DACT1: variants seen among roughly 807,000 people sequenced by gnomAD.
DACT1 encodes the protein dishevelled binding antagonist of beta catenin 1, also known as dapper homolog 1.
A neutral mutation model predicts 35.3 loss-of-function variants in DACT1; 19 were observed. The observed-to-expected ratio is 0.54, with a 90% confidence interval of 0.38 to 0.79. The LOEUF (loss-of-function observed/expected upper bound fraction) is 0.79, where lower values mean the gene tolerates loss of function less well. Among genes scored for constraint, DACT1 ranks in the 30% least tolerant of loss-of-function variants. The pLI is 0.00. For synonymous variants in DACT1, 545 were observed against 466.7 expected, an observed-to-expected ratio of 1.17 and a Z score of -2.16; for missense variants, 1,143 against 1,057.5, an observed-to-expected ratio of 1.08 and a Z score of -1.12.
Position 58,647,035 on chromosome 14 carries a change from C to A in DACT1, c.2301C>A (p.His767Gln), listed in dbSNP as rs755312596. The change falls in exon 4 of 4, where the codon CAC (histidine) becomes CAA (glutamine). Residue 767 changes from histidine (H) to glutamine (Q), a missense_variant. Physicochemically the swap from His to Gln is conservative, Grantham distance 24. This residue lies in a region of DACT1 where 1,054 missense variants were observed against 958.8 expected (regional missense o/e 1.10). Coordinates refer to ENST00000395153, the MANE Select transcript of DACT1 (RefSeq NM_001079520.2). ...QTVTAPDLHN[H>Q]PAKTFVKIKA... ...TAACGGCCCCAGACCTTCACAACCA[C>A]CCCGCAAAAACCTTTGTCAAAATTA... 1 of 1,614,182 alleles carries A rather than the reference C, an allele frequency of 6.2e-7. No individual in the cohort carries two copies. Among genetic ancestry groups the A allele is most frequent in the Admixed American group, 1.7e-5 (1 of 60,032 alleles).
Position 58,646,935 on chromosome 14 carries a change from C to T in DACT1, c.2201C>T (p.Thr734Ile). The T allele has an allele frequency of 1.2e-6, 2 of 1,612,192 alleles. No individual in the cohort carries two copies. Among genetic ancestry groups the T allele is most frequent in the Middle Eastern group, 1.7e-4 (1 of 6,056 alleles). The change falls in exon 4 of 4, where the codon ACA (threonine) becomes ATA (isoleucine). Residue 734 changes from threonine to isoleucine, a missense_variant. Physicochemically the swap from Thr to Ile is moderately conservative, Grantham distance 89. Around this residue, in one of 3 missense-constraint regions of DACT1, gnomAD observed 1,054 missense variants for 958.8 expected, o/e 1.10. Coordinates refer to ENST00000395153, the MANE Select transcript of DACT1 (RefSeq NM_001079520.2). ...VSEGEFVGES[T>I]TTSDSEESGG... is the part of the protein sequence containing the mutation. ...GAGGGCGAGTTCGTGGGGGAGAGCACAACCACCAGCGACTCTGAAGAAAGC... is the reference window on the plus strand; with the variant it reads ...GAGGGCGAGTTCGTGGGGGAGAGCATAACCACCAGCGACTCTGAAGAAAGC...
chr14:58,644,453 G>A (rs944041298), intron 3 of DACT1, among the ~76,000 whole-genome samples: 4 of 152,084 alleles, frequency 2.6e-5, no homozygotes, highest in Non-Finnish European at 4.4e-5. Flanking sequence ...GGCTGGTCTC[G>A]AACTCCTGGG....
chr14:58,638,602 G>A (rs574279826), intron 1 of DACT1, 55 bp downstream of exon 1: 6 of 1,294,822 alleles, frequency 4.6e-6, no homozygotes, highest in Non-Finnish European at 5.9e-6. Flanking sequence ...GCTGGAGGTC[G>A]GGCAGGTGGC....
intron 2 of DACT1, 122 bp downstream of exon 2, chr14:58,640,990 CAAA>C (rs902089277): frequency 9.2e-7 from 1 of 1,088,650 alleles, no homozygotes; most frequent in Non-Finnish European, 1.3e-6. Context: ...AGAGGATAAA[CAAA>C]AAAGAAGTCT....
In DACT1 at chr14:58,638,503, G is replaced by T; in HGVS notation, c.301G>T (p.Glu101Ter). Residue 101 changes from glutamate (E) to a stop codon, truncating the protein, a stop_gained, in exon 1 of 4, where the codon GAG becomes TAG. Coordinates refer to ENST00000395153, the MANE Select transcript of DACT1 (RefSeq NM_001079520.2). LOFTEE classifies it high-confidence loss of function. The stretch of plus-strand genomic sequence containing the variant: ...GGCGGCGCAGCGCAGTCGCCTGGAG[G>T]AGAAGTTCTTGGAGGAGAACATCTT... Reference protein sequence around the residue: ...GEAAQRSRLEEKFLEENILLL... With the variant: ...GEAAQRSRLE 1 of 1,359,110 alleles carries T rather than the reference G, an allele frequency of 7.4e-7. No individual in the cohort carries two copies. Among genetic ancestry groups the T allele is most frequent in the South Asian group, 2.3e-5 (1 of 43,468 alleles). 84.2% of individuals were successfully genotyped at this position (1,359,110 alleles called of 1,614,324 possible). A position where few individuals can be genotyped will look rare whatever the true frequency, so the allele number is the denominator to read the frequency against.
Position 58,638,425 on chromosome 14 carries a change from G to T in DACT1, c.223G>T (p.Gly75Cys). The T allele has an allele frequency of 7.6e-7, 1 of 1,318,256 alleles. No individual in the cohort carries two copies. The highest frequency in any genetic ancestry group is 2.4e-5 in the South Asian group (1 of 40,944). 81.7% of individuals were successfully genotyped at this position (1,318,256 alleles called of 1,614,324 possible). The change falls in exon 1 of 4, where the codon GGC becomes TGC. Residue 75 changes from glycine (G) to cysteine (C), a missense_variant. By Grantham distance (159) the Gly-to-Cys change is radical (BLOSUM62 -3). This residue lies in a region of DACT1 where 1,054 missense variants were observed against 958.8 expected (regional missense o/e 1.10). Coordinates refer to ENST00000395153, the MANE Select transcript of DACT1 (RefSeq NM_001079520.2). ...QELLVRGALRGAGGAGAAAPR... is the reference protein window; with the variant it reads ...QELLVRGALRCAGGAGAAAPR... ...GCTGCTGGTCAGGGGCGCCCTGCGC[G>T]GCGCCGGGGGTGCGGGAGCCGCTGC...
At position 58,646,903 on chromosome 14, in the gene DACT1, T is replaced by A. The variant is rs1343913271; in HGVS notation, c.2169T>A (p.Ser723Arg). The change falls in exon 4 of 4, where the codon AGT becomes AGA. Residue 723 changes from serine to arginine, a missense_variant. Physicochemically the swap from Ser to Arg is moderately radical, Grantham distance 110. Transcript: ENST00000395153. ...TTNCFGDSES[S>R]VSEGEFVGES... is the part of the protein sequence containing the mutation. ...ACTGCTTCGGGGACAGCGAGTCGAG[T>A]GTGAGCGAGGGCGAGTTCGTGGGGG... is the stretch of plus-strand genomic sequence containing the variant. 2 of 1,613,800 alleles carry A rather than the reference T, an allele frequency of 1.2e-6. No homozygotes were observed. The highest frequency in any genetic ancestry group is 1.7e-6 in the Non-Finnish European group (2 of 1,179,952).
intron 1 of DACT1, chr14:58,639,029 G>A: frequency 1.0e-6 from 1 of 985,414 alleles, no homozygotes; most frequent in Non-Finnish European, 1.2e-6. Context: ...CGAGTTTTAC[G>A]ATTACACTGG....
chr14:58,639,066 C>T (rs989323963), intron 1 of DACT1: 5 of 985,294 alleles, frequency 5.1e-6, no homozygotes, highest in Admixed American at 6.2e-5. Flanking sequence ...CGTGCCTCTC[C>T]GAGAGCTCTC....
At chr14:58,639,387 A>G in intron 1 of DACT1, 2 of 511,414 alleles carry the variant, frequency 3.9e-6, no homozygotes, top group Non-Finnish European at 5.0e-6. Context: ...CCCGCCTCAG[A>G]ATAATGGCGA....
rs200728268 is a variant in DACT1 at position 58,646,107 on chromosome 14, C to A, written c.1373C>A (p.Ala458Asp). 1.1e-5 allele frequency: 17 copies of A among 1,612,758 alleles called. No individual in the cohort carries two copies. In the Admixed American group the frequency reaches 2.5e-4, roughly 24 times the overall value. ...AAAGAGAGTCCTAGCAGAGGCCCTG[C>A]CCCGCCGCAGGAGAACAAAGTTGTA... ...SPKESPSRGP[A>D]PPQENKVVQP... Residue 458 changes from alanine to aspartate, a missense_variant, in exon 4 of 4, where the codon GCC becomes GAC. Physicochemically the swap from Ala to Asp is moderately radical, Grantham distance 126. Transcript: ENST00000395153.
upstream of DACT1, chr14:58,634,119 C>G (rs1354345542): frequency 6.6e-6 from 1 of 152,250 alleles, no homozygotes; most frequent in East Asian, 1.9e-4. Context: ...TACCACCAAA[C>G]TTCATGGAAT....
chr14:58,643,684 A>G (rs1007240912), intron 3 of DACT1, among the ~76,000 whole-genome samples: 9 of 152,200 alleles, frequency 5.9e-5, no homozygotes, highest in Non-Finnish European at 1.2e-4. Flanking sequence ...ACTTCCTCAC[A>G]TAATTGAGAC....
In DACT1 at chr14:58,639,207, A is replaced by ACG. The variant is rs1219131774; in HGVS notation, c.345+661_345+662dup. 4.1e-6 allele frequency: 4 copies of ACG among 985,308 alleles called. No homozygotes were observed. The Admixed American group carries it at 2.5e-4, about 61-fold the overall frequency. 61.0% of individuals were successfully genotyped at this position (985,308 alleles called of 1,614,324 possible). On this transcript the variant is annotated intron_variant, in intron 1 of 3. Transcript: ENST00000395153. ...TGTGTCCCCTCCTCTCATATTTTAT[A>ACG]CGTTCTGCCAGCTGTGATTGGTGGT...
At chr14:58,641,027 G>C (rs1056636302) in intron 2 of DACT1, among the ~76,000 whole-genome samples, 159 bp downstream of exon 2, 1 of 152,170 alleles carries the variant, frequency 6.6e-6, no homozygotes, top group Admixed American at 6.5e-5. Flanking sequence ...ATCGGAATAA[G>C]AGGGAAATAA....
chr14:58,641,337 G>A (rs1228160135), intron 2 of DACT1, among the ~76,000 whole-genome samples: 1 of 152,068 alleles, frequency 6.6e-6, no homozygotes, highest in Non-Finnish European at 1.5e-5. Context: ...TTCAAAGGCG[G>A]GGTCAAGGAA....
In DACT1 at chr14:58,638,456, G is replaced by C. The variant is rs1398917758; in HGVS notation, c.254G>C (p.Arg85Pro). The C allele has an allele frequency of 7.4e-7, 1 of 1,354,822 alleles. No individual in the cohort carries two copies. The highest frequency in any genetic ancestry group is 1.5e-5 in the African/African-American group (1 of 66,514). The allele number at this position is 1,354,822 out of a possible 1,614,324, so 83.9% of individuals were successfully genotyped here. Residue 85 changes from arginine (R) to proline (P), a missense_variant, in exon 1 of 4, where the codon CGC becomes CCC. By Grantham distance (103) the Arg-to-Pro change is moderately radical. Around this residue, in one of 3 missense-constraint regions of DACT1, gnomAD observed 1,054 missense variants for 958.8 expected, o/e 1.10. Coordinates refer to ENST00000395153, the MANE Select transcript of DACT1 (RefSeq NM_001079520.2). ...GGGGGTGCGGGAGCCGCTGCGCCCC[G>C]CGCTGGGGAGCTACTGGGGGAGGCG... Reference protein sequence around the residue: ...GAGGAGAAAPRAGELLGEAAQ... With the variant: ...GAGGAGAAAPPAGELLGEAAQ...
At position 58,638,154 on chromosome 14, in the gene DACT1, C is replaced by G; in HGVS notation, c.-49C>G. Reference sequence around the variant, plus strand: ...GCAGCCCTAGCGCCCTGCTCCTCCGCCTGGGCGGCCCGGCTGCGGTGACGG... The same window carrying G: ...GCAGCCCTAGCGCCCTGCTCCTCCGGCTGGGCGGCCCGGCTGCGGTGACGG... On this transcript the variant is annotated 5_prime_UTR_variant, in exon 1 of 4. Coordinates refer to ENST00000395153, the MANE Select transcript of DACT1 (RefSeq NM_001079520.2). 2 of 1,261,848 alleles carry G rather than the reference C, an allele frequency of 1.6e-6. No homozygotes were observed. Among genetic ancestry groups the G allele is most frequent in the Non-Finnish European group, 2.0e-6 (2 of 1,003,896 alleles). The allele number at this position is 1,261,848 out of a possible 1,614,324, so 78.2% of individuals were successfully genotyped here.
intron 3 of DACT1, 45 bp from the exon 4 acceptor site, chr14:58,645,324 G>C: frequency 6.2e-7 from 1 of 1,614,166 alleles, no homozygotes; most frequent in Middle Eastern, 1.7e-4. Context: ...GCAGTTTGCC[G>C]TTCCCTCTCC....
Sources: gnomAD v4.1 joint callset for allele counts (sites outside exome capture counted in the v4.1 genomes callset) on GRCh38, gnomAD v4.1.1 for gene constraint, gnomAD v4.1.1 regional missense constraint, MANE v1.5 for transcripts, NCBI Gene and HGNC (gene_info 2026-07-23, HGNC 2026-07-21) for gene names.